The following BCL2L12 variants were observed in gnomAD, a reference collection of about 807,000 sequenced individuals.
BCL2L12 encodes bcl-2-like protein 12.
In BCL2L12, 27 loss-of-function variants were observed where a neutral mutation model predicts 25.7. The ratio of observed to expected loss-of-function variants is 1.05; its 90% CI spans 0.78 to 1.45. The LOEUF (loss-of-function observed/expected upper bound fraction) is 1.45, where lower values mean the gene tolerates loss of function less well. Ranked by LOEUF, BCL2L12 falls within the 40% of genes most tolerant of loss-of-function variation. The pLI, the probability that BCL2L12 is intolerant of heterozygous loss-of-function variation, is 0.00. For missense variants in BCL2L12, 302 were observed against 329.8 expected, an observed-to-expected ratio of 0.92 and a Z score of 0.65; for synonymous variants, 132 against 145.6, an observed-to-expected ratio of 0.91 and a Z score of 0.67.
In BCL2L12 at chr19:49,672,440, TTGACTC is replaced by T. The variant is rs1275445644; in HGVS notation, c.703-1255_703-1250del. Among the ~76,000 whole-genome samples the T allele has an allele frequency of 6.6e-6, 1 of 152,160 alleles. No homozygotes were observed. On this transcript the variant is annotated intron_variant, in intron 6 of 6. Transcript: ENST00000246784. This position sits in a 1 kb window ranked among gnomAD's most constrained non-coding sequence, Gnocchi z 4.1. The stretch of plus-strand genomic sequence containing the variant: ...GTCACGGTGAGTGACAACTCGGACT[TTGACTC>T]TGGGTAAGCCAAGGTCTCTGAGCAG...
intron 5 of BCL2L12, among the ~76,000 whole-genome samples, chr19:49,669,536 T>TCAAAAAAAAAAAA (rs2081907267): frequency 7.5e-6 from 1 of 132,704 alleles, no homozygotes; most frequent in African/African-American, 2.8e-5. Context: ...ACTCTGTCTT[T>TCAAAAAAAAAAAA]AAAAAAAAAA....
chr19:49,665,683 A>T, upstream of BCL2L12: 1 of 1,173,406 alleles, frequency 8.5e-7, no homozygotes, highest in Non-Finnish European at 1.2e-6. Context: ...CCTGTCTTGG[A>T]GCTCCGGGTA....
intron 6 of BCL2L12, chr19:49,671,995 T>C (rs1325633437): frequency 6.6e-6 from 1 of 152,372 alleles, no homozygotes; most frequent in Non-Finnish European, 1.5e-5. Flanking sequence ...GGAATTGACT[T>C]GTTTTACTTG....
At chr19:49,673,653 G>T (rs1409070484) in intron 6 of BCL2L12, 45 bp from the exon 7 acceptor site, 19 of 1,513,680 alleles carry the variant, frequency 1.3e-5, no homozygotes, top group Non-Finnish European at 1.7e-5. Context: ...TGTATGGGGG[G>T]AACACCTGCC....
In BCL2L12 at chr19:49,670,095, G is replaced by A. The variant is rs2081922011; in HGVS notation, c.430-121G>A. On this transcript the variant is annotated intron_variant, in intron 5 of 6. Coordinates refer to ENST00000246784, the MANE Select transcript of BCL2L12 (RefSeq NM_138639.2). ...TGGCTTGATTGGCTAATATGGATGA[G>A]GGGTGGCCTAGAACCTTAGCATCTA... The A allele has an allele frequency of 3.8e-6, 5 of 1,310,472 alleles. 1 individual carries two copies. The Middle Eastern group carries it at 8.3e-4, about 217-fold the overall frequency. The allele number at this position is 1,310,472 out of a possible 1,614,324, so 81.2% of individuals were successfully genotyped here.
intron 3 of BCL2L12, among the ~76,000 whole-genome samples, chr19:49,668,502 C>T (rs916726816): frequency 2.0e-5 from 3 of 152,018 alleles, no homozygotes; most frequent in African/African-American, 7.2e-5. Context: ...CAGTTTACCC[C>T]ATTATAAAAT....
chr19:49,665,799 C>T (rs768814581), upstream of BCL2L12: 2 of 1,573,170 alleles, frequency 1.3e-6, no homozygotes, highest in Non-Finnish European at 1.7e-6. Context: ...CTTTATCATT[C>T]TTTGGGTAAC....
chr19:49,670,335 CG>C lies in BCL2L12; in HGVS notation c.552del (p.Pro186ArgfsTer13). ...GCTCTCGCCCAAGCCGAGCATGCCC[CG>C]GGCCCCCGCCTCCTTCCCCGGAGCC... ...DSSRPSRACP[G>X]PPPPSPEPLA... On this transcript the variant is annotated frameshift_variant, in exon 6 of 7. Coordinates refer to ENST00000246784, the MANE Select transcript of BCL2L12 (RefSeq NM_138639.2). LOFTEE classifies it high-confidence loss of function. 6.2e-7 allele frequency: 1 copy of C among 1,601,644 alleles called. No individual in the cohort carries two copies. Among genetic ancestry groups the C allele is most frequent in the Middle Eastern group, 1.9e-4 (1 of 5,162 alleles).
In BCL2L12 at chr19:49,670,480, G is replaced by C. The variant is rs1357117189; in HGVS notation, c.694G>C (p.Gly232Arg). 1.3e-6 allele frequency: 2 copies of C among 1,536,204 alleles called. No homozygotes were observed. The highest frequency in any genetic ancestry group is 1.4e-5 in the African/African-American group (1 of 71,798). Residue 232 changes from glycine (G) to arginine (R), a missense_variant, in exon 6 of 7, where the codon GGG (glycine) becomes CGG (arginine). Transcript: ENST00000246784. ...HSFTPWIQAH[G>R]GWEGILAVSP... ...CTTCACGCCCTGGATCCAGGCCCAC[G>C]GGGGCTGGGTGAGCCGCTGAAGCCT...
At chr19:49,665,760 T>C (rs569706060), upstream of BCL2L12, 35 of 1,539,404 alleles carry the variant, frequency 2.3e-5, no homozygotes, top group African/African-American at 4.0e-4. Flanking sequence ...GGGGCTTTCT[T>C]TTTGATCGAC....
intron 6 of BCL2L12, 43 bp from the exon 7 acceptor site, chr19:49,673,655 A>C (rs777386604): frequency 6.6e-7 from 1 of 1,521,258 alleles, no homozygotes; most frequent in African/African-American, 1.4e-5. Flanking sequence ...TATGGGGGGA[A>C]CACCTGCCCT....
intron 6 of BCL2L12, 26 bp downstream of exon 6, chr19:49,670,514 G>C (rs370053265): frequency 6.5e-7 from 1 of 1,534,438 alleles, no homozygotes; most frequent in South Asian, 1.2e-5. Context: ...CTCTCTCTCC[G>C]GGCCTCACTT....
Position 49,673,721 on chromosome 19 carries a change from C to T in BCL2L12, c.726C>T (p.Pro242=), listed in dbSNP as rs759969547. The part of the protein sequence containing the change: ...GGWEGILAVS[P]VDLNLPLD ...AGGAGGGCATCCTGGCTGTTTCACC[C>T]GTGGACTTGAACTTGCCATTGGACT... is the stretch of plus-strand genomic sequence containing the variant. The change falls in exon 7 of 7, where the codon CCC becomes CCT. Residue 242 remains proline (P), a synonymous_variant. Coordinates refer to ENST00000246784, the MANE Select transcript of BCL2L12 (RefSeq NM_138639.2). 62 of 1,614,120 alleles carry T rather than the reference C, an allele frequency of 3.8e-5. No individual in the cohort carries two copies. The highest frequency in any genetic ancestry group is 1.6e-4 in the Middle Eastern group (1 of 6,062).
upstream of BCL2L12, chr19:49,665,543 G>A (rs2081665366): frequency 2.5e-6 from 1 of 395,948 alleles, no homozygotes; most frequent in Non-Finnish European, 4.6e-6. Context: ...TACACAGCCT[G>A]CCTTTCCACT....
chr19:49,673,730 G>C lies in BCL2L12; in HGVS notation c.735G>C (p.Leu245Phe). Residue 245 changes from leucine (L) to phenylalanine (F), a missense_variant, in exon 7 of 7, where the codon TTG (leucine) becomes TTC (phenylalanine). Physicochemically the swap from Leu to Phe is conservative, Grantham distance 22. Coordinates refer to ENST00000246784, the MANE Select transcript of BCL2L12 (RefSeq NM_138639.2). Reference sequence around the variant, plus strand: ...TCCTGGCTGTTTCACCCGTGGACTTGAACTTGCCATTGGACTGAGCTCTTT... The same window carrying C: ...TCCTGGCTGTTTCACCCGTGGACTTCAACTTGCCATTGGACTGAGCTCTTT... ...EGILAVSPVD[L>F]NLPLD The C allele has an allele frequency of 1.2e-6, 2 of 1,614,168 alleles. No homozygotes were observed. Among genetic ancestry groups the C allele is most frequent in the East Asian group, 2.2e-5 (1 of 44,878 alleles).
intron 5 of BCL2L12, among the ~76,000 whole-genome samples, chr19:49,669,798 G>A (rs1365499090): frequency 6.6e-6 from 1 of 152,150 alleles, no homozygotes; most frequent in Non-Finnish European, 1.5e-5. Context: ...ACTACCAGAG[G>A]AGGTGTGGCT....
At chr19:49,671,885 A>G (rs1967841478) in intron 6 of BCL2L12, among the ~76,000 whole-genome samples, 1 of 152,050 alleles carries the variant, frequency 6.6e-6, no homozygotes, top group African/African-American at 2.4e-5. Context: ...CCAGGTCCCC[A>G]TTGACAATCA....
chr19:49,673,910 C>A lies in BCL2L12; in HGVS notation c.*162C>A. 1.4e-6 allele frequency: 1 copy of A among 716,184 alleles called. No individual in the cohort carries two copies. The highest frequency in any genetic ancestry group is 2.2e-6 in the Non-Finnish European group (1 of 446,266). The allele number at this position is 716,184 out of a possible 1,614,324, so 44.4% of individuals were successfully genotyped here. A position where few individuals can be genotyped will look rare whatever the true frequency, so the allele number is the denominator to read the frequency against. On this transcript the variant is annotated 3_prime_UTR_variant, in exon 7 of 7. Transcript: ENST00000246784. ...AAAACTTTTCTTATTAAAAACGTTA[C>A]AAAGTATTCAATTGTCTGTTCTTAC...
Position 49,668,889 on chromosome 19 carries a change from C to T in BCL2L12, c.289C>T (p.Arg97Trp), listed in dbSNP as rs201397773. ...AGACTTCTATGCTTTGGTGGCCCAG[C>T]GGCTGGAACAGCTGGTCCAAGAGCA... is the stretch of plus-strand genomic sequence containing the variant. ...TPDFYALVAQRLEQLVQEQLK... is the reference protein window; with the variant it reads ...TPDFYALVAQWLEQLVQEQLK... The change falls in exon 4 of 7, where the codon CGG (arginine) becomes TGG (tryptophan). Residue 97 changes from arginine (R) to tryptophan (W), a missense_variant. Physicochemically the swap from Arg to Trp is moderately radical, Grantham distance 101 (BLOSUM62 -3). Coordinates refer to ENST00000246784, the MANE Select transcript of BCL2L12 (RefSeq NM_138639.2). The T allele has an allele frequency of 8.7e-5, 140 of 1,613,510 alleles. 1 individual carries two copies. The East Asian group carries it at 1.8e-3, about 20-fold the overall frequency.
Sources: allele counts gnomAD v4.1 joint callset (sites outside exome capture counted in the v4.1 genomes callset), GRCh38; gene constraint gnomAD v4.1.1; non-coding constraint Gnocchi (gnomAD v3.1); transcripts MANE v1.5; gene names NCBI Gene and HGNC (gene_info 2026-07-23, HGNC 2026-07-21).